Variants in DMXL1 observed in about 807,000 individuals in gnomAD.
DMXL1 encodes dmX-like protein 1.
DMXL1 carries 99 observed loss-of-function variants against 319.2 expected under a neutral mutation model. The ratio of observed to expected loss-of-function variants is 0.31; its 90% CI spans 0.26 to 0.37. DMXL1 has a LOEUF of 0.37. DMXL1 is among the 10% of genes least tolerant of loss of function. The pLI is 1.00. For synonymous variants in DMXL1, 1,385 were observed against 1,235.2 expected, an observed-to-expected ratio of 1.12 and a Z score of -2.54; for missense variants, 3,745 against 3,595.6, an observed-to-expected ratio of 1.04 and a Z score of -1.06.
chr5:119,134,498 T>G (rs1439053650), intron 13 of DMXL1, 109 bp downstream of exon 13: 14 of 944,446 alleles, frequency 1.5e-5, no homozygotes, highest in Non-Finnish European at 2.0e-5. Flanking sequence ...TAATAAGCAT[T>G]TGTATCTTTG....
intron 1 of DMXL1, among the ~76,000 whole-genome samples, chr5:119,073,204 A>G (rs1403971032): frequency 1.3e-5 from 2 of 152,172 alleles, no homozygotes; most frequent in Admixed American, 6.6e-5. Flanking sequence ...CTAGGACTAC[A>G]GATTCTAATC....
Position 119,134,203 on chromosome 5 carries a change from G to A in DMXL1, c.2254+25G>A, listed in dbSNP as rs748257743. The stretch of plus-strand genomic sequence containing the variant: ...GGTAAGTATTCTGGTTTTTATTACA[G>A]TAATTTAGATTTGCTGACATTATCA... On this transcript the variant is annotated intron_variant, in intron 12 of 43. Coordinates refer to ENST00000539542, the MANE Select transcript of DMXL1 (RefSeq NM_001290321.3). 1.9e-6 allele frequency: 3 copies of A among 1,606,578 alleles called. No individual in the cohort carries two copies. In the South Asian group the frequency reaches 3.3e-5, roughly 18 times the overall value.
chr5:119,158,998 A>G (rs886162298), intron 19 of DMXL1, among the ~76,000 whole-genome samples: 1 of 152,152 alleles, frequency 6.6e-6, no homozygotes, highest in African/African-American at 2.4e-5. Context: ...TCATAAAAAG[A>G]GGAACTTTTC....
intron 19 of DMXL1, among the ~76,000 whole-genome samples, chr5:119,161,358 T>C (rs1372088032): frequency 6.6e-6 from 1 of 152,252 alleles, no homozygotes; most frequent in African/African-American, 2.4e-5. Context: ...GGATGTGTTC[T>C]CTGGCCAGGC....
At chr5:119,231,703 A>C (rs1263684176) in intron 38 of DMXL1, among the ~76,000 whole-genome samples, 4 of 152,230 alleles carry the variant, frequency 2.6e-5, no homozygotes, top group Non-Finnish European at 4.4e-5. Flanking sequence ...GGCTTCACCG[A>C]GGTGGCATGA....
rs1769197752 is a variant in DMXL1 at position 119,149,042 on chromosome 5, A to G, written c.3215A>G (p.Gln1072Arg). The change falls in exon 18 of 44, where the codon CAG becomes CGG. Residue 1072 changes from glutamine to arginine, a missense_variant. Transcript: ENST00000539542. ...CCTGCATCTAATAGTAGATCTTCCC[A>G]GGACTTTGTGATGCATGTAAGTATT... The part of the protein sequence containing the change: ...KQPASNSRSS[Q>R]DFVMHVSIFE... 1 of 1,613,840 alleles carries G rather than the reference A, an allele frequency of 6.2e-7. No homozygotes were observed. Among genetic ancestry groups the G allele is most frequent in the Non-Finnish European group, 8.5e-7 (1 of 1,179,882 alleles).
At chr5:119,236,090 T>C (rs1037867805) in intron 39 of DMXL1, among the ~76,000 whole-genome samples, 3 of 152,056 alleles carry the variant, frequency 2.0e-5, no homozygotes, top group Non-Finnish European at 2.9e-5. Flanking sequence ...GAGAAATAGA[T>C]AAAACATCTT....
rs367798193 is a variant in DMXL1 at position 119,149,786 on chromosome 5, C to T, written c.3959C>T (p.Pro1320Leu). 85 of 1,613,782 alleles carry T rather than the reference C, an allele frequency of 5.3e-5. 1 individual carries two copies. The African/African-American group carries it at 9.6e-4, about 18-fold the overall frequency. The change falls in exon 18 of 44, where the codon CCG (proline) becomes CTG (leucine). Residue 1320 changes from proline to leucine, a missense_variant. Physicochemically the swap from Pro to Leu is moderately conservative, Grantham distance 98. Coordinates refer to ENST00000539542, the MANE Select transcript of DMXL1 (RefSeq NM_001290321.3). ...GLFEAAHVLS[P>L]TLPQYHPLQL... ...TTTGAAGCAGCTCATGTACTTTCCC[C>T]GACTCTACCTCAGTATCATCCCTTG...
At chr5:119,148,705 T>A (rs888061332) in intron 17 of DMXL1, 34 bp from the exon 18 acceptor site, 2 of 1,572,008 alleles carry the variant, frequency 1.3e-6, no homozygotes, top group Non-Finnish European at 1.7e-6. Flanking sequence ...TTAACCAAAT[T>A]TGACATTTTG....
intron 9 of DMXL1, chr5:119,126,945 C>A: frequency 6.0e-6 from 1 of 166,700 alleles, no homozygotes; most frequent in South Asian, 1.8e-4. Context: ...TTTCAGAGTC[C>A]TTCAGTTTTT....
chr5:119,241,641 T>C (rs1788837538), intron 42 of DMXL1, among the ~76,000 whole-genome samples: 1 of 152,168 alleles, frequency 6.6e-6, no homozygotes, highest in African/African-American at 2.4e-5. Context: ...TTTTTTCTTG[T>C]AATGTCTTGA....
At chr5:119,102,549 C>T (rs192571770) in intron 3 of DMXL1, among the ~76,000 whole-genome samples, 2 of 152,122 alleles carry the variant, frequency 1.3e-5, no homozygotes, top group African/African-American at 4.8e-5. Context: ...TTCTTTAATG[C>T]TTGTGCCTGT....
chr5:119,071,372 C>T lies in DMXL1; in HGVS notation c.-198C>T, dbSNP rs1749499030. 3.6e-6 allele frequency: 2 copies of T among 561,696 alleles called. No homozygotes were observed. The highest frequency in any genetic ancestry group is 6.2e-6 in the Non-Finnish European group (2 of 323,030). 34.8% of individuals were successfully genotyped at this position (561,696 alleles called of 1,614,324 possible). Reference sequence around the variant, plus strand: ...CGCTCCGCCCTCTCGCCGACCCGCCCCCTCCGGGCCTCGCCCTCCGGGGCT... The same window carrying T: ...CGCTCCGCCCTCTCGCCGACCCGCCTCCTCCGGGCCTCGCCCTCCGGGGCT... On this transcript the variant is annotated 5_prime_UTR_variant, in exon 1 of 44. Transcript: ENST00000539542.
chr5:119,189,814 C>G lies in DMXL1; in HGVS notation c.7242C>G (p.Ser2414Arg), dbSNP rs761154737. The G allele has an allele frequency of 6.2e-7, 1 of 1,614,088 alleles. No homozygotes were observed. Among genetic ancestry groups the G allele is most frequent in the Non-Finnish European group, 8.5e-7 (1 of 1,179,980 alleles). Residue 2414 changes from serine (S) to arginine (R), a missense_variant, in exon 29 of 44, where the codon AGC (serine) becomes AGG (arginine). Around this residue, in one of 4 missense-constraint regions of DMXL1, gnomAD observed 1,382 missense variants for 1,269.5 expected, o/e 1.09. Transcript: ENST00000539542. ...APLTPSSAPV[S>R]QESLAVKEKF... is the part of the protein sequence containing the mutation. The stretch of plus-strand genomic sequence containing the variant: ...TGACCCCTTCCTCGGCACCAGTAAG[C>G]CAGGAGTCACTGGCGGTTAAAGAAA...
intron 2 of DMXL1, 144 bp downstream of exon 2, chr5:119,098,248 G>T (rs1447635564): frequency 1.1e-5 from 9 of 807,018 alleles, no homozygotes; most frequent in Non-Finnish European, 1.7e-5. Flanking sequence ...GGCTGTCTAA[G>T]ATGCATTCTA....
At chr5:119,106,110 A>G (rs182169619) in intron 4 of DMXL1, among the ~76,000 whole-genome samples, 1 of 152,250 alleles carries the variant, frequency 6.6e-6, no homozygotes, top group Non-Finnish European at 1.5e-5. Flanking sequence ...AAAAGATCCA[A>G]GAAAGGCTTT....
rs1359067616 is a variant in DMXL1, at chr5:119,134,185, A to G, written c.2254+7A>G. The G allele has an allele frequency of 6.2e-7, 1 of 1,609,154 alleles. No homozygotes were observed. Among genetic ancestry groups the G allele is most frequent in the African/African-American group, 1.3e-5 (1 of 74,518 alleles). ...ATACCCAGTTATTGTCTGGGTAAGT[A>G]TTCTGGTTTTTATTACAGTAATTTA... is the stretch of plus-strand genomic sequence containing the variant. On this transcript the variant is annotated splice_region_variant and intron_variant, in intron 12 of 43. Transcript: ENST00000539542.
chr5:119,107,085 T>C (rs564021276), intron 4 of DMXL1, among the ~76,000 whole-genome samples: 1 of 152,216 alleles, frequency 6.6e-6, no homozygotes, highest in African/African-American at 2.4e-5. Context: ...ACCTGTAATA[T>C]CAGCACTTTA....
At chr5:119,113,516 C>T (rs1051570575) in intron 5 of DMXL1, among the ~76,000 whole-genome samples, 1 of 152,230 alleles carries the variant, frequency 6.6e-6, no homozygotes, top group Non-Finnish European at 1.5e-5. Context: ...GCTGGGATTA[C>T]AGGCGTGAGC....
Sources: allele counts gnomAD v4.1 joint callset (sites outside exome capture counted in the v4.1 genomes callset), GRCh38; gene constraint gnomAD v4.1.1; regional missense constraint gnomAD v4.1.1; transcripts MANE v1.5; gene names NCBI Gene and HGNC (gene_info 2026-07-23, HGNC 2026-07-21).